The following PTPRO variants were observed in gnomAD, a reference collection of about 807,000 sequenced individuals.
The protein encoded by PTPRO is receptor-type tyrosine-protein phosphatase O.
PTPRO carries 62 observed loss-of-function variants against 145.2 expected under a neutral mutation model. The ratio of observed to expected loss-of-function variants is 0.43; its 90% CI spans 0.35 to 0.53. The LOEUF (loss-of-function observed/expected upper bound fraction) is 0.53, where lower values mean the gene tolerates loss of function less well. Ranked by LOEUF, PTPRO falls within the 20% of genes least tolerant of loss-of-function variation. The pLI is 0.01. For missense variants in PTPRO, 1,345 were observed against 1,482.7 expected, an observed-to-expected ratio of 0.91 and a Z score of 1.53; for synonymous variants, 565 against 514.7, an observed-to-expected ratio of 1.10 and a Z score of -1.32.
intron 12 of PTPRO, 75 bp downstream of exon 12, chr12:15,526,337 A>C (rs1942837538): frequency 4.5e-6 from 7 of 1,570,876 alleles, no homozygotes; most frequent in Non-Finnish European, 6.1e-6. Context: ...AGAGCTCCTC[A>C]ATTCAATGAA....
intron 1 of PTPRO, among the ~76,000 whole-genome samples, chr12:15,432,991 T>G (rs1223179087): frequency 6.6e-6 from 1 of 152,038 alleles, no homozygotes; most frequent in Non-Finnish European, 1.5e-5. Context: ...TTGTTTTTGT[T>G]GTTGTTGTTG....
In PTPRO at chr12:15,329,850, A is replaced by G. The variant is rs370249174; in HGVS notation, c.75+7049A>G. ...TAACTATTTAGTGGTTTGGGAAATT[A>G]TTTATTTTAAGATGATTCCTGAGCT... is the stretch of plus-strand genomic sequence containing the variant. On this transcript the variant is annotated intron_variant, in intron 1 of 26. Coordinates refer to ENST00000281171, the MANE Select transcript of PTPRO (RefSeq NM_030667.3). Among the ~76,000 whole-genome samples, 7 of 152,300 alleles carry G rather than the reference A, an allele frequency of 4.6e-5. No individual in the cohort carries two copies. In the East Asian group the frequency reaches 9.6e-4, roughly 21 times the overall value.
intron 4 of PTPRO, among the ~76,000 whole-genome samples, chr12:15,500,879 G>C (rs773814966): frequency 6.6e-6 from 1 of 152,110 alleles, no homozygotes; most frequent in Admixed American, 6.6e-5. Context: ...CCGAGACCAC[G>C]TCATTGCACT....
chr12:15,362,114 C>G (rs577346799), intron 1 of PTPRO, among the ~76,000 whole-genome samples: 41 of 152,282 alleles, frequency 2.7e-4, no homozygotes, highest in Non-Finnish European at 5.3e-4. Flanking sequence ...CTGGTTAGCA[C>G]AAACTAACCC....
intron 15 of PTPRO, among the ~76,000 whole-genome samples, chr12:15,553,307 G>A (rs999665633): frequency 6.6e-6 from 1 of 152,194 alleles, no homozygotes; most frequent in Non-Finnish European, 1.5e-5. Flanking sequence ...TAAGTTAGCA[G>A]GTGATAAGGA....
intron 1 of PTPRO, among the ~76,000 whole-genome samples, chr12:15,414,109 G>A (rs760829176): frequency 1.3e-5 from 2 of 152,150 alleles, no homozygotes; most frequent in Admixed American, 6.5e-5. Context: ...TGACTAACTT[G>A]TCTAACCGTA....
At chr12:15,447,888 G>A (rs1174516300) in intron 1 of PTPRO, among the ~76,000 whole-genome samples, 1 of 152,026 alleles carries the variant, frequency 6.6e-6, no homozygotes, top group African/African-American at 2.4e-5. Context: ...CCTGTATGAG[G>A]GAAATTGTGG....
At chr12:15,520,528 A>T (rs1942693880) in intron 10 of PTPRO, among the ~76,000 whole-genome samples, 2 of 152,124 alleles carry the variant, frequency 1.3e-5, no homozygotes, top group Non-Finnish European at 2.9e-5. Flanking sequence ...ACCACCGTTG[A>T]CTTATTTTTA....
At chr12:15,391,405 T>C (rs539887131) in intron 1 of PTPRO, among the ~76,000 whole-genome samples, 1 of 152,330 alleles carries the variant, frequency 6.6e-6, no homozygotes, top group East Asian at 1.9e-4. Flanking sequence ...TGTAACACTT[T>C]GGCTGGCCTA....
At chr12:15,535,134 G>A (rs1397243241) in intron 12 of PTPRO, among the ~76,000 whole-genome samples, 1 of 152,186 alleles carries the variant, frequency 6.6e-6, no homozygotes, top group Non-Finnish European at 1.5e-5. Context: ...AACTACAGGA[G>A]GAGGACATTT....
chr12:15,421,979 A>G (rs1015228373), intron 1 of PTPRO, among the ~76,000 whole-genome samples: 5 of 152,160 alleles, frequency 3.3e-5, no homozygotes, highest in Non-Finnish European at 5.9e-5. Context: ...TTTATTTATT[A>G]TCTAGTTATA....
chr12:15,373,690 T>A (rs1938597498), intron 1 of PTPRO, among the ~76,000 whole-genome samples: 1 of 152,222 alleles, frequency 6.6e-6, no homozygotes, highest in South Asian at 2.1e-4. Context: ...TCATTTTATA[T>A]AACATAGAAA....
At chr12:15,569,177 A>T (rs938161723) in intron 18 of PTPRO, among the ~76,000 whole-genome samples, 10 of 152,132 alleles carry the variant, frequency 6.6e-5, no homozygotes, top group African/African-American at 2.4e-4. Flanking sequence ...CTACAGTAAG[A>T]GCCAAGTGGA....
intron 1 of PTPRO, among the ~76,000 whole-genome samples, chr12:15,404,188 C>CAAAAAAAAAAAAAAA: frequency 2.0e-5 from 1 of 49,964 alleles, no homozygotes; most frequent in Non-Finnish European, 4.1e-5. Flanking sequence ...GACCCCATCT[C>CAAAAAAAAAAAAAAA]AAAAAAAAAA....
chr12:15,464,390 T>C (rs979284531), intron 1 of PTPRO, among the ~76,000 whole-genome samples: 6 of 140,806 alleles, frequency 4.3e-5, no homozygotes, highest in African/African-American at 1.5e-4. Context: ...AGTCTCACTC[T>C]GTCACCCAGG....
At chr12:15,515,710 A>G in intron 8 of PTPRO, 92 bp downstream of exon 8, 2 of 1,535,016 alleles carry the variant, frequency 1.3e-6, no homozygotes, top group East Asian at 4.5e-5. Context: ...TTATCATCGT[A>G]TTTGGAAGGT....
At chr12:15,594,850 G>T (rs960245488) in intron 25 of PTPRO, 87 bp from the exon 26 acceptor site, 14 of 948,518 alleles carry the variant, frequency 1.5e-5, no homozygotes, top group Middle Eastern at 3.1e-4. Flanking sequence ...TTTAACACCA[G>T]ATCTTGATCA....
At chr12:15,497,151 C>A in intron 2 of PTPRO, 94 bp from the exon 3 acceptor site, 1 of 1,165,142 alleles carries the variant, frequency 8.6e-7, no homozygotes, top group Non-Finnish European at 1.3e-6. Context: ...GCGTGAATTT[C>A]TGGTAGGTGT....
At chr12:15,480,563 C>T (rs1941756509) in intron 1 of PTPRO, among the ~76,000 whole-genome samples, 2 of 152,008 alleles carry the variant, frequency 1.3e-5, no homozygotes, top group African/African-American at 4.8e-5. Flanking sequence ...ACTTTAGGAC[C>T]CCCTCCTTTT....
Sources: allele counts gnomAD v4.1 joint callset (sites outside exome capture counted in the v4.1 genomes callset), GRCh38; gene constraint gnomAD v4.1.1; transcripts MANE v1.5; gene names NCBI Gene and HGNC (gene_info 2026-07-23, HGNC 2026-07-21).